The following RORA variants were observed in gnomAD, a reference collection of about 807,000 sequenced individuals.
RORA encodes the protein RAR related orphan receptor A.
RORA carries 7 observed loss-of-function variants against 69.5 expected under a neutral mutation model. The observed-to-expected ratio is 0.10, with a 90% CI of 0.06 to 0.19. The LOEUF (loss-of-function observed/expected upper bound fraction) is 0.19. RORA is among the 10% of genes least tolerant of loss of function. RORA has a pLI of 1.00. For missense variants in RORA, 457 were observed against 663.0 expected, an observed-to-expected ratio of 0.69 and a Z score of 3.41; for synonymous variants, 261 against 240.8, an observed-to-expected ratio of 1.08 and a Z score of -0.78.
intron 1 of RORA, among the ~76,000 whole-genome samples, chr15:61,123,268 CTGAGT>C (rs2079118237): frequency 6.6e-6 from 1 of 152,094 alleles, no homozygotes; most frequent in African/African-American, 2.4e-5. Flanking sequence ...ACACCAGAGG[CTGAGT>C]TAACTGCCAA....
At chr15:60,542,500 A>AGGCACATCTCACACAT (rs2066908697) in intron 2 of RORA, among the ~76,000 whole-genome samples, 1 of 137,370 alleles carries the variant, frequency 7.3e-6, no homozygotes, top group Non-Finnish European at 1.5e-5. Flanking sequence ...CACGGCACAC[A>AGGCACATCTCACACAT]GGCACATCTC....
At chr15:61,094,464 T>C (rs1329980184) in intron 1 of RORA, among the ~76,000 whole-genome samples, 1 of 152,176 alleles carries the variant, frequency 6.6e-6, no homozygotes, top group East Asian at 1.9e-4. Flanking sequence ...AGTACAGAGC[T>C]CAGCCCTGCT....
At chr15:61,121,637 C>T (rs1458361983) in intron 1 of RORA, among the ~76,000 whole-genome samples, 1 of 152,124 alleles carries the variant, frequency 6.6e-6, no homozygotes, top group Non-Finnish European at 1.5e-5. Flanking sequence ...CCTAACAAGA[C>T]TCTGGGCATC....
intron 1 of RORA, among the ~76,000 whole-genome samples, chr15:60,787,845 C>G (rs1175216701): frequency 6.6e-6 from 1 of 152,162 alleles, no homozygotes; most frequent in African/African-American, 2.4e-5. Context: ...GGAAGTTCAT[C>G]AGGCATCAGA....
chr15:61,081,606 G>C (rs1337828415), intron 1 of RORA, among the ~76,000 whole-genome samples: 1 of 152,070 alleles, frequency 6.6e-6, no homozygotes, highest in African/African-American at 2.4e-5. Flanking sequence ...AGGAGATCGA[G>C]ACCATCCTGG....
At chr15:60,738,153 T>C (rs2071527117) in intron 1 of RORA, among the ~76,000 whole-genome samples, 1 of 152,228 alleles carries the variant, frequency 6.6e-6, no homozygotes. Flanking sequence ...GCCGAGACCG[T>C]AGCAGCTTCT....
intron 1 of RORA, among the ~76,000 whole-genome samples, chr15:60,912,719 A>T (rs1245245245): frequency 3.3e-5 from 5 of 151,810 alleles, no homozygotes; most frequent in African/African-American, 7.3e-5. Flanking sequence ...GTGCCACTGC[A>T]CTCCAGCCTG....
At chr15:60,681,228 G>A (rs1156274700) in intron 1 of RORA, among the ~76,000 whole-genome samples, 1 of 152,164 alleles carries the variant, frequency 6.6e-6, no homozygotes, top group Non-Finnish European at 1.5e-5. Context: ...GCTCAGGAAA[G>A]TTTAATTGGC....
intron 2 of RORA, among the ~76,000 whole-genome samples, chr15:60,595,515 A>G (rs1202403653): frequency 6.6e-6 from 1 of 152,010 alleles, no homozygotes; most frequent in Admixed American, 6.6e-5. Flanking sequence ...AATCTGTCTC[A>G]AGGAAAAAAA....
intron 1 of RORA, among the ~76,000 whole-genome samples, chr15:60,911,231 G>A (rs893713709): frequency 1.3e-5 from 2 of 151,572 alleles, no homozygotes; most frequent in Admixed American, 6.6e-5. Flanking sequence ...CACTGTGCCC[G>A]GCTGACTCTG....
intron 1 of RORA, among the ~76,000 whole-genome samples, chr15:60,886,193 G>A (rs1157178285): frequency 6.6e-6 from 1 of 152,110 alleles, no homozygotes; most frequent in African/African-American, 2.4e-5. Context: ...ATGGTTTTTT[G>A]TAAGGCAGAT....
chr15:61,100,116 T>TC (rs965222172), intron 1 of RORA, among the ~76,000 whole-genome samples: 1 of 148,234 alleles, frequency 6.7e-6, no homozygotes, highest in African/African-American at 2.5e-5. Flanking sequence ...AATTTTCTTT[T>TC]TTTTTTTTTT....
intron 3 of RORA, chr15:60,528,583 C>G (rs541242616): frequency 6.6e-6 from 1 of 152,240 alleles, no homozygotes; most frequent in Admixed American, 6.5e-5. Flanking sequence ...TTGGCAGATT[C>G]TACATAACAC....
chr15:60,781,136 T>G lies in RORA; in HGVS notation c.167-102450A>C, dbSNP rs1490431674. Among the ~76,000 whole-genome samples, 2 of 152,160 alleles carry G rather than the reference T, an allele frequency of 1.3e-5. 1 individual carries two copies. The highest frequency in any genetic ancestry group is 2.9e-5 in the Non-Finnish European group (2 of 68,022). On this transcript the variant is annotated intron_variant, in intron 1 of 10. Coordinates refer to ENST00000335670, the MANE Select transcript of RORA (RefSeq NM_134261.3). ...CATCCGCCTCCTTCTGCTTCTTAAG[T>G]GCATAGAAGGTATGCTGAGGCTGGC...
intron 1 of RORA, among the ~76,000 whole-genome samples, chr15:61,190,401 C>T (rs1482293461): frequency 6.6e-6 from 1 of 152,172 alleles, no homozygotes; most frequent in African/African-American, 2.4e-5. Context: ...AAAGTGAGGC[C>T]TACCTTTAAA....
intron 1 of RORA, among the ~76,000 whole-genome samples, chr15:61,101,472 T>C (rs546657321): frequency 1.3e-5 from 2 of 152,008 alleles, no homozygotes; most frequent in African/African-American, 4.8e-5. Flanking sequence ...GGGAAGAGCA[T>C]GATACATTCA....
intron 1 of RORA, among the ~76,000 whole-genome samples, chr15:61,221,078 A>G (rs763399784): frequency 3.3e-5 from 5 of 152,216 alleles, no homozygotes; most frequent in Non-Finnish European, 5.9e-5. Context: ...CACTTCAGAG[A>G]GAAATGTCTG....
intron 2 of RORA, chr15:60,558,440 C>T: frequency 5.2e-6 from 3 of 575,778 alleles, no homozygotes; most frequent in Non-Finnish European, 9.3e-6. Flanking sequence ...AGATCTCATA[C>T]ACCAGAATTC....
intron 1 of RORA, among the ~76,000 whole-genome samples, chr15:61,212,157 T>C (rs895532339): frequency 1.3e-5 from 2 of 152,018 alleles, no homozygotes; most frequent in African/African-American, 4.8e-5. Flanking sequence ...TCATTCCATT[T>C]CTCCCACCCT....
Sources: allele counts gnomAD v4.1 joint callset (sites outside exome capture counted in the v4.1 genomes callset), GRCh38; gene constraint gnomAD v4.1.1; transcripts MANE v1.5; gene names NCBI Gene and HGNC (gene_info 2026-07-23, HGNC 2026-07-21).